MBNL2: variants seen among roughly 807,000 people sequenced by gnomAD.
MBNL2 encodes muscleblind like splicing regulator 2, also known as muscleblind-like protein 2.
A neutral mutation model predicts 41.9 loss-of-function variants in MBNL2; 17 were observed. The ratio of observed to expected loss-of-function variants is 0.41; its 90% CI spans 0.28 to 0.61. The LOEUF (loss-of-function observed/expected upper bound fraction) is 0.61. MBNL2 is among the 20% of genes least tolerant of loss of function. MBNL2 has a pLI of 0.35. For missense variants in MBNL2, 336 were observed against 505.6 expected, an observed-to-expected ratio of 0.66 and a Z score of 3.22; for synonymous variants, 195 against 182.9, an observed-to-expected ratio of 1.07 and a Z score of -0.53.
At chr13:97,159,436 A>G in the MBNL2 span, among the ~76,000 whole-genome samples, 7 of 150,856 alleles carry the variant, frequency 4.6e-5, no homozygotes, top group African/African-American at 9.8e-5. Context: ...TGATCCTGTC[A>G]TTATGATGTT....
chr13:97,237,702 T>C (rs909987269), intron 1 of MBNL2, among the ~76,000 whole-genome samples: 6 of 152,224 alleles, frequency 3.9e-5, no homozygotes, highest in Non-Finnish European at 8.8e-5. Context: ...AGGGTGTACT[T>C]GGCATGGACT....
the MBNL2 span, among the ~76,000 whole-genome samples, chr13:97,193,635 G>C: frequency 6.6e-6 from 1 of 152,184 alleles, no homozygotes; most frequent in East Asian, 1.9e-4. Context: ...TCAAGGTAAA[G>C]TGACTCTGGC....
chr13:97,340,014 T>C (rs978905808), intron 3 of MBNL2, among the ~76,000 whole-genome samples: 1 of 152,222 alleles, frequency 6.6e-6, no homozygotes, highest in Non-Finnish European at 1.5e-5. Context: ...AGCATTGACC[T>C]TGGGTTATCC....
At chr13:97,183,733 A>G in the MBNL2 span, among the ~76,000 whole-genome samples, 21,805 of 152,158 alleles carry the variant, frequency 0.14, 3,756 homozygotes, top group African/African-American at 0.41. Flanking sequence ...GCAATTTTCA[A>G]TCCTTTGCCT....
rs55745808 is a variant in MBNL2, at chr13:97,363,418, C to CTGTGTGTGTGTG, written c.1013-1683_1013-1672dup. Among the ~76,000 whole-genome samples, 250 of 136,726 alleles carry CTGTGTGTGTGTG rather than the reference C, an allele frequency of 1.8e-3. 2 individuals are homozygous for CTGTGTGTGTGTG. The highest frequency in any genetic ancestry group is 5.1e-3 in the African/African-American group (181 of 35,376). The allele number at this position is 136,726 out of a possible 152,430, so 89.7% of individuals were successfully genotyped here. The stretch of plus-strand genomic sequence containing the variant: ...CAAAGGGAGTTGCCAGAAAGAAAAA[C>CTGTGTGTGTGTG]TGTGTGTGTGTGTGTGTGTGTGTGT... On this transcript the variant is annotated intron_variant, in intron 7 of 8. Coordinates refer to ENST00000679496, the MANE Select transcript of MBNL2 (RefSeq NM_001382683.1).
intron 5 of MBNL2, among the ~76,000 whole-genome samples, chr13:97,347,497 G>T (rs1383037447): frequency 1.3e-5 from 2 of 152,318 alleles, no homozygotes; most frequent in Admixed American, 1.3e-4. Flanking sequence ...GACATCTGTG[G>T]CCTAAGAGAA....
In MBNL2 at chr13:97,365,666, AT is replaced by A. The variant is rs2063790043; in HGVS notation, c.1048+499del. On this transcript the variant is annotated intron_variant, in intron 8 of 8. Transcript: ENST00000679496. ...CTTCCTAACTTAATTATCTTTTCTA[AT>A]TTTAAGTGCTGATTTATTTGGGATG... Among the ~76,000 whole-genome samples, 2 of 152,100 alleles carry A rather than the reference AT, an allele frequency of 1.3e-5. 1 individual carries two copies. Among genetic ancestry groups the A allele is most frequent in the South Asian group, 4.1e-4 (2 of 4,828 alleles).
At chr13:97,264,447 G>A (rs2049321535) in intron 1 of MBNL2, among the ~76,000 whole-genome samples, 1 of 152,116 alleles carries the variant, frequency 6.6e-6, no homozygotes, top group Admixed American at 6.5e-5. Flanking sequence ...TCATTACAGT[G>A]CTGCAAACAA....
rs199831984 is a variant in MBNL2 at position 97,346,466 on chromosome 13, T to TAGAC, written c.541-326_541-323dup. Among the ~76,000 whole-genome samples the TAGAC allele has an allele frequency of 6.6e-6, 1 of 152,140 alleles. No homozygotes were observed. On this transcript the variant is annotated intron_variant, in intron 4 of 8. Transcript: ENST00000679496. This position sits in a 1 kb window ranked among gnomAD's most constrained non-coding sequence, Gnocchi z 4.2. Reference sequence around the variant, plus strand: ...GATGATAGATATATGGATGGATGGATAGACAGACAGACAGATCGATAGACA... The same window carrying TAGAC: ...GATGATAGATATATGGATGGATGGATAGACAGACAGACAGACAGATCGATAGACA...
At chr13:97,240,571 G>T (rs2044076411) in intron 1 of MBNL2, among the ~76,000 whole-genome samples, 1 of 152,136 alleles carries the variant, frequency 6.6e-6, no homozygotes, top group Non-Finnish European at 1.5e-5. Context: ...GCTTTGACAT[G>T]ACTATTTCTG....
chr13:97,256,475 C>A (rs990391101), intron 1 of MBNL2, among the ~76,000 whole-genome samples: 1 of 151,884 alleles, frequency 6.6e-6, no homozygotes, highest in African/African-American at 2.4e-5. Flanking sequence ...CATAGTCAGA[C>A]GTAATAAATA....
intron 7 of MBNL2, among the ~76,000 whole-genome samples, chr13:97,358,947 T>A (rs1002026928): frequency 4.6e-5 from 7 of 152,232 alleles, no homozygotes; most frequent in South Asian, 2.1e-4. Context: ...CTGTGAACAA[T>A]ACATATTTTA....
chr13:97,345,078 C>A (rs1410166807), intron 4 of MBNL2, among the ~76,000 whole-genome samples: 8 of 152,138 alleles, frequency 5.3e-5, no homozygotes, highest in Non-Finnish European at 1.2e-4. Context: ...TGGCTAATAT[C>A]CAAAGTAGGA....
chr13:97,172,167 G>A, the MBNL2 span, among the ~76,000 whole-genome samples: 1 of 152,132 alleles, frequency 6.6e-6, no homozygotes, highest in African/African-American at 2.4e-5. Context: ...GGGCAGTGGA[G>A]CAGAGGTAAC....
chr13:97,201,955 G>A, the MBNL2 span, among the ~76,000 whole-genome samples: 1 of 152,150 alleles, frequency 6.6e-6, no homozygotes. Context: ...TTCTTCATAT[G>A]TACCAAATCA....
rs574197016 is a variant in MBNL2 at position 97,247,676 on chromosome 13, A to G, written c.-605+25145A>G. ...CTCTAATATTTTCTTTAGTGCGTTCATTAAACAGCTAAAAGAAAGCAGAAT... is the reference window on the plus strand; with the variant it reads ...CTCTAATATTTTCTTTAGTGCGTTCGTTAAACAGCTAAAAGAAAGCAGAAT... On this transcript the variant is annotated intron_variant, in intron 1 of 8. Transcript: ENST00000679496. Among the ~76,000 whole-genome samples, 385 of 152,362 alleles carry G rather than the reference A, an allele frequency of 2.5e-3. 1 individual carries two copies. Among genetic ancestry groups the G allele is most frequent in the Non-Finnish European group, 3.4e-3 (231 of 68,030 alleles).
At chr13:97,174,943 C>A in the MBNL2 span, among the ~76,000 whole-genome samples, 162 of 152,246 alleles carry the variant, frequency 1.1e-3, 1 homozygote, top group African/African-American at 3.8e-3. Flanking sequence ...AGACTTGGAT[C>A]CCTGGGAAGG....
chr13:97,387,992 GC>G, intron 8 of MBNL2, among the ~76,000 whole-genome samples: 1 of 152,164 alleles, frequency 6.6e-6, no homozygotes, highest in East Asian at 1.9e-4. Context: ...GGGGTGCTGT[GC>G]CTTGGAGGTT....
intron 2 of MBNL2, among the ~76,000 whole-genome samples, chr13:97,322,423 A>G (rs2059579687): frequency 6.6e-6 from 1 of 152,202 alleles, no homozygotes; most frequent in Admixed American, 6.5e-5. Flanking sequence ...TTCAAAAGCA[A>G]TATGCATTCA....
Sources: gnomAD v4.1 joint callset for allele counts (sites outside exome capture counted in the v4.1 genomes callset) on GRCh38, gnomAD v4.1.1 for gene constraint, Gnocchi (gnomAD v3.1) non-coding constraint, MANE v1.5 for transcripts, NCBI Gene and HGNC (gene_info 2026-07-23, HGNC 2026-07-21) for gene names.